DOCK5: variants seen among roughly 807,000 people sequenced by gnomAD.
DOCK5 encodes the protein dedicator of cytokinesis protein 5.
A neutral mutation model predicts 251.8 loss-of-function variants in DOCK5; 142 were observed. The observed-to-expected ratio is 0.56, with a 90% CI of 0.49 to 0.65. The LOEUF (loss-of-function observed/expected upper bound fraction) is 0.65. Ranked by LOEUF, DOCK5 falls within the 30% of genes least tolerant of loss-of-function variation. The pLI, the probability that DOCK5 is intolerant of heterozygous loss-of-function variation, is 0.00. For missense variants in DOCK5, 2,111 were observed against 2,312.3 expected (o/e 0.91, Z 1.79); for synonymous variants, 842 against 835.5 (o/e 1.01, Z -0.13).
At chr8:25,372,825 C>A (rs1800898057) in intron 35 of DOCK5, 107 bp downstream of exon 35, 2 of 1,132,104 alleles carry the variant, frequency 1.8e-6, no homozygotes, top group Non-Finnish European at 2.4e-6. Flanking sequence ...CCCTGAGGCA[C>A]CTTTGTGGAG....
At chr8:25,362,535 T>C (rs992213129) in intron 28 of DOCK5, among the ~76,000 whole-genome samples, 5 of 147,080 alleles carry the variant, frequency 3.4e-5, no homozygotes, top group Middle Eastern at 3.6e-3. Context: ...GGCACAATCT[T>C]GGCTCACTGC....
intron 51 of DOCK5, among the ~76,000 whole-genome samples, chr8:25,410,939 A>ATGTGTGTGTG (rs763758410): frequency 1.4e-3 from 148 of 102,108 alleles, no homozygotes; most frequent in African/African-American, 4.6e-3. Context: ...GAGAGAGAAA[A>ATGTGTGTGTG]TGTGTGTGTG....
rs1322498617 is a variant in DOCK5, at chr8:25,412,571, C to G, written c.*1273C>G. ...TCTGACAGACTCTTTAATATTTACC[C>G]CTGGTTGGAACAATATTTGAAATGT... On this transcript the variant is annotated 3_prime_UTR_variant, in exon 52 of 52. Transcript: ENST00000276440. 3.3e-5 allele frequency: 5 copies of G among 152,146 alleles called. No homozygotes were observed. The highest frequency in any genetic ancestry group is 5.9e-5 in the Non-Finnish European group (4 of 68,024). The allele number at this position is 152,146 out of a possible 1,614,324, so 9.4% of individuals were successfully genotyped here. A position where few individuals can be genotyped will look rare whatever the true frequency, so the allele number is the denominator to read the frequency against.
chr8:25,409,329 A>C (rs1801576873), intron 50 of DOCK5: 1 of 213,888 alleles, frequency 4.7e-6, no homozygotes. Flanking sequence ...AGTGCACAAC[A>C]CTTGAGAAGA....
chr8:25,246,521 C>T (rs540410459), intron 2 of DOCK5, among the ~76,000 whole-genome samples: 105 of 152,272 alleles, frequency 6.9e-4, no homozygotes, highest in African/African-American at 2.3e-3. Flanking sequence ...TCAGGTGATC[C>T]GCCCACCTTG....
At chr8:25,192,253 CA>C (rs1801600683) in intron 1 of DOCK5, among the ~76,000 whole-genome samples, 1 of 152,060 alleles carries the variant, frequency 6.6e-6, no homozygotes, top group Non-Finnish European at 1.5e-5. Context: ...GTCTTTATAG[CA>C]GCATGACTTA....
chr8:25,327,115 T>C (rs1486604076), intron 18 of DOCK5, among the ~76,000 whole-genome samples: 1 of 152,180 alleles, frequency 6.6e-6, no homozygotes, highest in Non-Finnish European at 1.5e-5. Context: ...GCAATAATAG[T>C]ATCTATTTCA....
intron 5 of DOCK5, among the ~76,000 whole-genome samples, chr8:25,284,635 T>A (rs1804285796): frequency 6.6e-6 from 1 of 152,230 alleles, no homozygotes; most frequent in East Asian, 1.9e-4. Context: ...CTCTTCCTGC[T>A]TCCACACGGC....
rs199896366 is a variant in DOCK5, at chr8:25,299,002, A to C, written c.665A>C (p.Tyr222Ser). The C allele has an allele frequency of 6.2e-7, 1 of 1,613,820 alleles. No homozygotes were observed. The highest frequency in any genetic ancestry group is 1.1e-5 in the South Asian group (1 of 91,056). ...TCCATCTTCAGTACCATCCACACCT[A>C]TGGCCTCTATGTGAACTTCAAGAAC... ...GQSIFSTIHT[Y>S]GLYVNFKNFV... is the part of the protein sequence containing the mutation. Residue 222 changes from tyrosine to serine, a missense_variant, in exon 8 of 52, where the codon TAT (tyrosine) becomes TCT (serine). Tyr to Ser is a moderately radical substitution (Grantham distance 144). Transcript: ENST00000276440.
At position 25,392,463 on chromosome 8, in the gene DOCK5, AT is replaced by A. The variant is rs1236595656; in HGVS notation, c.4441-332del. Among the ~76,000 whole-genome samples, 5 of 152,284 alleles carry A rather than the reference AT, an allele frequency of 3.3e-5. No individual in the cohort carries two copies. In the East Asian group the frequency reaches 9.7e-4, roughly 29 times the overall value. ...CTAATTACCTAGACAGCCAGCTGTC[AT>A]CTCCATGGAAAATGCTAGACTAGGA... On this transcript the variant is annotated intron_variant, in intron 43 of 51. Transcript: ENST00000276440.
intron 1 of DOCK5, among the ~76,000 whole-genome samples, chr8:25,203,063 A>G (rs779599208): frequency 6.6e-6 from 1 of 152,152 alleles, no homozygotes; most frequent in African/African-American, 2.4e-5. Context: ...AGTGCTACCA[A>G]ATACATCTCC....
chr8:25,359,412 G>T (rs539041387), intron 28 of DOCK5, among the ~76,000 whole-genome samples: 2 of 152,156 alleles, frequency 1.3e-5, no homozygotes, highest in African/African-American at 2.4e-5. Context: ...GAAGGCAGGG[G>T]TGTGCAAAGT....
intron 17 of DOCK5, 142 bp downstream of exon 17, chr8:25,324,093 G>C: frequency 4.3e-6 from 4 of 926,354 alleles, no homozygotes; most frequent in Non-Finnish European, 6.4e-6. Context: ...AACCCAGAGG[G>C]CTCTGGGCCC....
intron 5 of DOCK5, among the ~76,000 whole-genome samples, chr8:25,279,760 G>A (rs184174327): frequency 5.3e-5 from 8 of 151,722 alleles, no homozygotes; most frequent in African/African-American, 1.7e-4. Context: ...GACTATAGGC[G>A]TGTGCCACCC....
intron 5 of DOCK5, among the ~76,000 whole-genome samples, chr8:25,286,899 T>C (rs1447056958): frequency 6.6e-6 from 1 of 152,150 alleles, no homozygotes; most frequent in Non-Finnish European, 1.5e-5. Context: ...CATGCAGGTC[T>C]CAAACTCCTA....
chr8:25,203,686 G>A (rs567678428), intron 1 of DOCK5, among the ~76,000 whole-genome samples: 1 of 152,324 alleles, frequency 6.6e-6, no homozygotes, highest in African/African-American at 2.4e-5. Flanking sequence ...GGAAAAGAGA[G>A]AGCCTCTCAT....
At chr8:25,290,716 A>C (rs1253424001) in intron 5 of DOCK5, among the ~76,000 whole-genome samples, 4 of 152,188 alleles carry the variant, frequency 2.6e-5, no homozygotes. Context: ...GCTATATTCT[A>C]GGGACACACA....
At chr8:25,214,179 G>A (rs76017067) in intron 1 of DOCK5, among the ~76,000 whole-genome samples, 174 of 152,304 alleles carry the variant, frequency 1.1e-3, no homozygotes, top group African/African-American at 4.0e-3. Context: ...GCATTTTGGA[G>A]TTCAGGTTTC....
chr8:25,334,305 T>TTAACA, intron 21 of DOCK5, 109 bp downstream of exon 21: 2 of 862,728 alleles, frequency 2.3e-6, no homozygotes, highest in Non-Finnish European at 3.8e-6. Context: ...TAAATACGCC[T>TTAACA]GTTAAGGCAG....
Sources: gnomAD v4.1 joint callset for allele counts (sites outside exome capture counted in the v4.1 genomes callset) on GRCh38, gnomAD v4.1.1 for gene constraint, MANE v1.5 for transcripts, NCBI Gene and HGNC (gene_info 2026-07-23, HGNC 2026-07-21) for gene names.